UNC5D: variants seen among roughly 807,000 people sequenced by gnomAD.
UNC5D encodes netrin receptor UNC5D.
Under a neutral mutation model 105.4 loss-of-function variants are expected in UNC5D, and 39 were observed. That is an observed-to-expected ratio of 0.37 (90% CI 0.29 to 0.48). The LOEUF is 0.48. UNC5D is among the 20% of genes least tolerant of loss of function. UNC5D has a pLI of 0.98. For synonymous variants in UNC5D, 452 were observed against 450.4 expected (o/e 1.00, Z -0.04); for missense variants, 991 against 1,202.4 (o/e 0.82, Z 2.60).
intron 3 of UNC5D, among the ~76,000 whole-genome samples, chr8:35,569,069 A>G (rs911712718): frequency 6.8e-6 from 1 of 147,970 alleles, no homozygotes; most frequent in African/African-American, 2.5e-5. Flanking sequence ...AAAAAAAAAA[A>G]TACACACTTG....
At position 35,528,039 on chromosome 8, in the gene UNC5D, G is replaced by GTT. The variant is rs398007485; in HGVS notation, c.104-21232_104-21231dup. ...TTATCATGAATTCTAGAAACAGCTG[G>GTT]TTTTTTTTTTTTTTTTTTTTTTATA... On this transcript the variant is annotated intron_variant, in intron 1 of 16. Coordinates refer to ENST00000404895, the MANE Select transcript of UNC5D (RefSeq NM_080872.4). 4.3e-3 allele frequency among the ~76,000 whole-genome samples: 537 copies of GTT among 125,070 alleles called. 4 individuals are homozygous for GTT. The highest frequency in any genetic ancestry group is 0.021 in the South Asian group (75 of 3,640). The allele number at this position is 125,070 out of a possible 152,430, so 82.1% of individuals were successfully genotyped here.
intron 1 of UNC5D, among the ~76,000 whole-genome samples, chr8:35,465,842 G>T (rs1809265135): frequency 6.6e-6 from 1 of 152,252 alleles, no homozygotes; most frequent in Non-Finnish European, 1.5e-5. Flanking sequence ...GAGGAGAGGA[G>T]TTAGAGGGGG....
chr8:35,345,372 T>G (rs1811733902), intron 1 of UNC5D, among the ~76,000 whole-genome samples: 1 of 151,976 alleles, frequency 6.6e-6, no homozygotes, highest in Admixed American at 6.6e-5. Flanking sequence ...ACTTGAGCCT[T>G]TCCAAGGGAA....
intron 1 of UNC5D, among the ~76,000 whole-genome samples, chr8:35,397,614 C>G (rs1804190318): frequency 6.6e-6 from 1 of 152,142 alleles, no homozygotes; most frequent in Admixed American, 6.5e-5. Flanking sequence ...TTGCTCTGTT[C>G]CCTCATCCCA....
At chr8:35,637,153 G>A (rs1329659497) in intron 4 of UNC5D, among the ~76,000 whole-genome samples, 1 of 152,110 alleles carries the variant, frequency 6.6e-6, no homozygotes, top group Admixed American at 6.6e-5. Context: ...CTAATTATTA[G>A]CACACATTGT....
intron 4 of UNC5D, among the ~76,000 whole-genome samples, chr8:35,679,955 A>G (rs1255627092): frequency 1.3e-5 from 2 of 152,164 alleles, no homozygotes; most frequent in Non-Finnish European, 2.9e-5. Context: ...AGGACATGGC[A>G]TCACATGGCA....
intron 4 of UNC5D, among the ~76,000 whole-genome samples, chr8:35,607,262 A>G (rs1820353539): frequency 6.6e-6 from 1 of 152,206 alleles, no homozygotes; most frequent in African/African-American, 2.4e-5. Flanking sequence ...CTTTTCTGAC[A>G]CATTTCCAAA....
chr8:35,774,926 CAAAA>C (rs548702956), intron 16 of UNC5D, among the ~76,000 whole-genome samples: 2 of 120,372 alleles, frequency 1.7e-5, no homozygotes. Context: ...GACCCTCCTC[CAAAA>C]AAAAAAAAAA....
intron 1 of UNC5D, among the ~76,000 whole-genome samples, chr8:35,301,006 C>T (rs1807912664): frequency 6.6e-6 from 1 of 152,182 alleles, no homozygotes; most frequent in African/African-American, 2.4e-5. Context: ...TTTCCTAGCT[C>T]TGCCTATTGA....
At chr8:35,347,457 C>T (rs1031771108) in intron 1 of UNC5D, among the ~76,000 whole-genome samples, 4 of 151,962 alleles carry the variant, frequency 2.6e-5, no homozygotes, top group Admixed American at 2.0e-4. Context: ...TTGCAGCCAG[C>T]ATGGATTCTT....
intron 1 of UNC5D, among the ~76,000 whole-genome samples, chr8:35,450,374 G>A (rs1012764131): frequency 1.2e-4 from 19 of 152,120 alleles, no homozygotes; most frequent in African/African-American, 3.9e-4. Flanking sequence ...TATGCTCACC[G>A]AGGTTTTCTA....
chr8:35,393,023 C>G (rs1803870769), intron 1 of UNC5D, among the ~76,000 whole-genome samples: 1 of 151,424 alleles, frequency 6.6e-6, no homozygotes, highest in African/African-American at 2.4e-5. Flanking sequence ...TTTAGGAAAC[C>G]ACTATTCTTT....
chr8:35,268,740 C>A (rs184231478), intron 1 of UNC5D, among the ~76,000 whole-genome samples: 8 of 152,222 alleles, frequency 5.3e-5, no homozygotes, highest in Non-Finnish European at 1.0e-4. Context: ...CTTATTAACT[C>A]TTTTAATGCT....
chr8:35,739,193 A>G (rs16884365), intron 11 of UNC5D, among the ~76,000 whole-genome samples: 22,405 of 152,070 alleles, frequency 0.15, 3,885 homozygotes, highest in African/African-American at 0.42. Flanking sequence ...GGGTTAATGC[A>G]CCTTTAGCTG....
chr8:35,347,711 G>C (rs907700972), intron 1 of UNC5D, among the ~76,000 whole-genome samples: 4 of 151,982 alleles, frequency 2.6e-5, no homozygotes, highest in Admixed American at 2.6e-4. Context: ...AGCAAAGAGA[G>C]AAAGAGGCCA....
At chr8:35,254,507 A>G (rs1222592609) in intron 1 of UNC5D, 1 of 152,212 alleles carries the variant, frequency 6.6e-6, no homozygotes, top group Non-Finnish European at 1.5e-5. Flanking sequence ...AGAGACACAT[A>G]TATGGTAGGT....
Position 35,540,444 on chromosome 8 carries a change from GGTGTGTGTGTGT to G in UNC5D, c.104-8821_104-8810del, listed in dbSNP as rs11467586. ...TTTATATTCTTTCACAAAGCAGAGGGGTGTGTGTGTGTGTGTGTGTGTGTGTGTGTGTGTGTG... is the reference window on the plus strand; with the variant it reads ...TTTATATTCTTTCACAAAGCAGAGGGGTGTGTGTGTGTGTGTGTGTGTGTG... On this transcript the variant is annotated intron_variant, in intron 1 of 16. Transcript: ENST00000404895. Among the ~76,000 whole-genome samples the G allele has an allele frequency of 1.1e-4, 16 of 142,792 alleles. No individual in the cohort carries two copies. The South Asian group carries it at 2.1e-3, about 18-fold the overall frequency. The allele number at this position is 142,792 out of a possible 152,430, so 93.7% of individuals were successfully genotyped here.
At chr8:35,300,178 T>C (rs895016939) in intron 1 of UNC5D, among the ~76,000 whole-genome samples, 2 of 152,064 alleles carry the variant, frequency 1.3e-5, no homozygotes, top group Non-Finnish European at 1.5e-5. Context: ...CTGGGCATGG[T>C]GGCTCACGCC....
chr8:35,532,185 C>T (rs1197341065), intron 1 of UNC5D, among the ~76,000 whole-genome samples: 2,484 of 147,974 alleles, frequency 0.017, 80 homozygotes, highest in African/African-American at 0.059. Context: ...CGGCTGGTAC[C>T]GGTTGTTCCT....
Sources: gnomAD v4.1 joint callset for allele counts (sites outside exome capture counted in the v4.1 genomes callset) on GRCh38, gnomAD v4.1.1 for gene constraint, MANE v1.5 for transcripts, NCBI Gene and HGNC (gene_info 2026-07-23, HGNC 2026-07-21) for gene names.